SLC66A2: variants seen among roughly 807,000 people sequenced by gnomAD.
SLC66A2 encodes PQ loop repeat containing 1.
SLC66A2 carries 23 observed loss-of-function variants against 25.5 expected under a neutral mutation model. That is an observed-to-expected ratio of 0.90 (90% confidence interval 0.65 to 1.28). The LOEUF is 1.28. SLC66A2 is among the 50% of genes most tolerant of loss of function. SLC66A2 has a pLI of 0.00. For missense variants in SLC66A2, 396 were observed against 373.1 expected, an observed-to-expected ratio of 1.06 and a Z score of -0.51; for synonymous variants, 193 against 166.5, an observed-to-expected ratio of 1.16 and a Z score of -1.23.
At chr18:79,913,200 G>T (rs1983496213) in intron 5 of SLC66A2, among the ~76,000 whole-genome samples, 1 of 152,250 alleles carries the variant, frequency 6.6e-6, no homozygotes, top group South Asian at 2.1e-4. Flanking sequence ...ACTCAGCCAC[G>T]GTGGTCACAC....
At chr18:79,914,634 C>T (rs12454454) in intron 5 of SLC66A2, among the ~76,000 whole-genome samples, 54,614 of 152,128 alleles carry the variant, frequency 0.36, 11,158 homozygotes, top group East Asian at 0.5. Context: ...TGAAGATCCA[C>T]GGAGCGGTGG....
rs1233181819 is a variant in SLC66A2 at position 79,927,282 on chromosome 18, G to A, written c.391+6687C>T. On this transcript the variant is annotated intron_variant, in intron 4 of 5. Coordinates refer to ENST00000397778, the MANE Select transcript of SLC66A2 (RefSeq NM_025078.5). The surrounding 1 kb of genome is among the most constrained non-coding windows in gnomAD (Gnocchi z 6.2). ...CAGGCGGGCACACAGGGGCTCATCT[G>A]GAGGGACCTGAGGGGCACAGGCTAC... Among the ~76,000 whole-genome samples the A allele has an allele frequency of 1.3e-5, 2 of 151,086 alleles. No homozygotes were observed. Among genetic ancestry groups the A allele is most frequent in the Non-Finnish European group, 2.9e-5 (2 of 68,028 alleles).
intron 5 of SLC66A2, among the ~76,000 whole-genome samples, chr18:79,915,046 C>T (rs374536384): frequency 6.6e-6 from 1 of 152,214 alleles, no homozygotes; most frequent in South Asian, 2.1e-4. Flanking sequence ...TTCCCTTTCC[C>T]GTTTAGTGAG....
At chr18:79,938,419 C>A (rs766570264) in intron 3 of SLC66A2, among the ~76,000 whole-genome samples, 17 of 152,186 alleles carry the variant, frequency 1.1e-4, no homozygotes, top group Non-Finnish European at 2.2e-4. Flanking sequence ...GCCCTGCCTT[C>A]CTCAGGCTGG....
At chr18:79,943,182 C>A in intron 3 of SLC66A2, 147 bp downstream of exon 3, 5 of 980,202 alleles carry the variant, frequency 5.1e-6, no homozygotes. Context: ...ATTTAACATA[C>A]TGAAAACACT....
chr18:79,940,006 T>G lies in SLC66A2; in HGVS notation c.337+3323A>C, dbSNP rs1897889821. Among the ~76,000 whole-genome samples the G allele has an allele frequency of 1.3e-5, 2 of 152,202 alleles. No homozygotes were observed. The highest frequency in any genetic ancestry group is 4.8e-5 in the African/African-American group (2 of 41,440). ...AAAATCATCTAGATTTTCTTCTGGA[T>G]GAAGCAAATGTGGTACGTATACACC... On this transcript the variant is annotated intron_variant, in intron 3 of 5. Transcript: ENST00000397778. This position sits in a 1 kb window ranked among gnomAD's most constrained non-coding sequence, Gnocchi z 4.1.
intron 2 of SLC66A2, among the ~76,000 whole-genome samples, chr18:79,949,360 G>A (rs1395572294): frequency 6.6e-6 from 1 of 152,130 alleles, no homozygotes; most frequent in African/African-American, 2.4e-5. Context: ...ACCTCAATAA[G>A]GTTGACTTAA....
At chr18:79,935,057 C>G (rs570646631) in intron 3 of SLC66A2, among the ~76,000 whole-genome samples, 1 of 150,980 alleles carries the variant, frequency 6.6e-6, no homozygotes, top group Non-Finnish European at 1.5e-5. Context: ...TCCCTCAGCT[C>G]GTCCTCTCTG....
chr18:79,946,242 A>G lies in SLC66A2; in HGVS notation c.204-2780T>C, dbSNP rs551800458. 3.8e-4 allele frequency among the ~76,000 whole-genome samples: 23 copies of G among 60,562 alleles called. No homozygotes were observed. In the East Asian group the frequency reaches 5.3e-3, roughly 14 times the overall value. The allele number at this position is 60,562 out of a possible 152,430, so 39.7% of individuals were successfully genotyped here. On this transcript the variant is annotated intron_variant, in intron 2 of 5. Coordinates refer to ENST00000397778, the MANE Select transcript of SLC66A2 (RefSeq NM_025078.5). ...TAAACTAATTTTAGGGTGAAGACAA[A>G]GAAAAACACAAAATTTCAAAAAGCA... is the stretch of plus-strand genomic sequence containing the variant.
chr18:79,928,412 A>ATC (rs768776456), intron 4 of SLC66A2, among the ~76,000 whole-genome samples: 4 of 152,184 alleles, frequency 2.6e-5, no homozygotes, highest in Middle Eastern at 3.2e-3. Context: ...GCTTCCAGCC[A>ATC]TCAGGGTTTC....
At chr18:79,933,341 T>C (rs1043445384) in intron 4 of SLC66A2, among the ~76,000 whole-genome samples, 2 of 152,236 alleles carry the variant, frequency 1.3e-5, no homozygotes, top group Admixed American at 1.3e-4. Context: ...TACTTAGTGA[T>C]GAAAGATGGA....
intron 4 of SLC66A2, among the ~76,000 whole-genome samples, chr18:79,919,626 CA>C (rs762931843): frequency 1.9e-4 from 1 of 5,238 alleles, no homozygotes; most frequent in African/African-American, 2.0e-4. Context: ...GGAGGAGAGA[CA>C]GGAACCGAGG....
intron 1 of SLC66A2, 22 bp downstream of exon 1, chr18:79,951,559 G>C (rs2051129530): frequency 6.6e-6 from 1 of 151,758 alleles, no homozygotes; most frequent in African/African-American, 2.4e-5. Flanking sequence ...CGAGGACCCC[G>C]CGCCGCCCCC....
rs371355539 is a variant in SLC66A2 at position 79,926,929 on chromosome 18, G to A, written c.391+7040C>T. The stretch of plus-strand genomic sequence containing the variant: ...TAAGCACTTTGGCGCTCCCTGGAGT[G>A]ACGGCCATTCCCAGCAGCTAAACTG... On this transcript the variant is annotated intron_variant, in intron 4 of 5. Coordinates refer to ENST00000397778, the MANE Select transcript of SLC66A2 (RefSeq NM_025078.5). 4.6e-5 allele frequency among the ~76,000 whole-genome samples: 7 copies of A among 152,296 alleles called. No individual in the cohort carries two copies. The East Asian group carries it at 9.7e-4, about 21-fold the overall frequency.
Position 79,943,380 on chromosome 18 carries a change from T to A in SLC66A2, c.286A>T (p.Thr96Ser). ...LTMLLMLKLC[T>S]EVRVANELNA... ...AGCTCGTTGGCCACACGGACCTCGG[T>A]GCACAGCTTCAGCATCAGCAGCATG... The change falls in exon 3 of 6, where the codon ACC (threonine) becomes TCC (serine). Residue 96 changes from threonine (T) to serine (S), a missense_variant. Physicochemically the swap from Thr to Ser is moderately conservative, Grantham distance 58. Coordinates refer to ENST00000397778, the MANE Select transcript of SLC66A2 (RefSeq NM_025078.5). 1 of 1,614,186 alleles carries A rather than the reference T, an allele frequency of 6.2e-7. No individual in the cohort carries two copies. Among genetic ancestry groups the A allele is most frequent in the Non-Finnish European group, 8.5e-7 (1 of 1,180,030 alleles).
chr18:79,942,862 C>G (rs768930450), intron 3 of SLC66A2, among the ~76,000 whole-genome samples: 1 of 152,192 alleles, frequency 6.6e-6, no homozygotes, highest in African/African-American at 2.4e-5. Context: ...CCTGACCCTG[C>G]GGGGGGACTC....
chr18:79,904,651 C>A lies in SLC66A2; in HGVS notation c.609-468G>T, dbSNP rs550440082. Among the ~76,000 whole-genome samples, 1 of 152,270 alleles carries A rather than the reference C, an allele frequency of 6.6e-6. No individual in the cohort carries two copies. The highest frequency in any genetic ancestry group is 2.1e-4 in the South Asian group (1 of 4,826). ...GAGGACGCAGATCTGTGCCCCCAGGCACACAGCCAAGTGGAGCAGAGCAGC... is the reference window on the plus strand; with the variant it reads ...GAGGACGCAGATCTGTGCCCCCAGGAACACAGCCAAGTGGAGCAGAGCAGC... On this transcript the variant is annotated intron_variant, in intron 5 of 5. Coordinates refer to ENST00000397778, the MANE Select transcript of SLC66A2 (RefSeq NM_025078.5). This position sits in a 1 kb window ranked among gnomAD's most constrained non-coding sequence, Gnocchi z 6.3.
chr18:79,937,369 G>A lies in SLC66A2; in HGVS notation c.338-3347C>T, dbSNP rs1467889528. On this transcript the variant is annotated intron_variant, in intron 3 of 5. Coordinates refer to ENST00000397778, the MANE Select transcript of SLC66A2 (RefSeq NM_025078.5). The surrounding 1 kb of genome is among the most constrained non-coding windows in gnomAD (Gnocchi z 5.4). ...GGCTCCCCGGCCAGAGGGAAGAACTGGAGCATTAACAAGCGTAATAATCCA... is the reference window on the plus strand; with the variant it reads ...GGCTCCCCGGCCAGAGGGAAGAACTAGAGCATTAACAAGCGTAATAATCCA... 6.6e-6 allele frequency among the ~76,000 whole-genome samples: 1 copy of A among 152,172 alleles called. No individual in the cohort carries two copies. Among genetic ancestry groups the A allele is most frequent in the Non-Finnish European group, 1.5e-5 (1 of 68,024 alleles).
chr18:79,926,405 G>A (rs986547396), intron 4 of SLC66A2, among the ~76,000 whole-genome samples: 7 of 152,152 alleles, frequency 4.6e-5, no homozygotes, highest in Admixed American at 1.3e-4. Flanking sequence ...TTGGGACTGG[G>A]ATGGCTGGAG....
Sources: gnomAD v4.1 joint callset for allele counts (sites outside exome capture counted in the v4.1 genomes callset) on GRCh38, gnomAD v4.1.1 for gene constraint, Gnocchi (gnomAD v3.1) non-coding constraint, MANE v1.5 for transcripts, NCBI Gene and HGNC (gene_info 2026-07-23, HGNC 2026-07-21) for gene names.